FOXP2: variants seen among roughly 807,000 people sequenced by gnomAD.
FOXP2 encodes forkhead box protein P2.
In FOXP2, 12 loss-of-function variants were observed where a neutral mutation model predicts 115.8. That is an observed-to-expected ratio of 0.10 (90% CI 0.07 to 0.17). FOXP2 has a LOEUF of 0.17. Ranked by LOEUF, FOXP2 falls within the 10% of genes least tolerant of loss-of-function variation. The pLI, the probability that FOXP2 is intolerant of heterozygous loss-of-function variation, is 1.00. For missense variants in FOXP2, 629 were observed against 843.5 expected, an observed-to-expected ratio of 0.75 and a Z score of 3.15; for synonymous variants, 328 against 297.7, an observed-to-expected ratio of 1.10 and a Z score of -1.05.
intron 2 of FOXP2, among the ~76,000 whole-genome samples, chr7:114,386,020 A>T (rs140530990): frequency 6.6e-6 from 1 of 152,222 alleles, no homozygotes. Flanking sequence ...ATTAGGACGA[A>T]CCCAGGCACT....
At chr7:114,416,060 C>T (rs570600052) in intron 1 of FOXP2, among the ~76,000 whole-genome samples, 3 of 151,996 alleles carry the variant, frequency 2.0e-5, no homozygotes, top group South Asian at 2.1e-4. Flanking sequence ...GTTTAATACT[C>T]GTGTCAGTTA....
At chr7:114,278,478 C>A in intron 1 of FOXP2, among the ~76,000 whole-genome samples, 1 of 151,918 alleles carries the variant, frequency 6.6e-6, no homozygotes, top group African/African-American at 2.4e-5. Flanking sequence ...TCTCAGTCTC[C>A]CGAGTAGCTG....
intron 1 of FOXP2, among the ~76,000 whole-genome samples, chr7:114,271,065 A>C (rs1337875623): frequency 6.6e-6 from 1 of 151,878 alleles, no homozygotes; most frequent in Non-Finnish European, 1.5e-5. Context: ...TATCAAAGTT[A>C]AATTGACATA....
At chr7:114,438,216 AT>A (rs1794438779) in intron 2 of FOXP2, among the ~76,000 whole-genome samples, 1 of 152,130 alleles carries the variant, frequency 6.6e-6, no homozygotes, top group African/African-American at 2.4e-5. Context: ...TTGGACCTAG[AT>A]TAGCTATCTT....
At chr7:114,441,315 G>A (rs1430573503) in intron 2 of FOXP2, among the ~76,000 whole-genome samples, 1 of 152,058 alleles carries the variant, frequency 6.6e-6, no homozygotes. Flanking sequence ...AGCTGGGCCT[G>A]GTGGTGCATG....
chr7:114,107,187 G>A (rs1421454697), intron 1 of FOXP2, among the ~76,000 whole-genome samples: 1 of 151,964 alleles, frequency 6.6e-6, no homozygotes, highest in Non-Finnish European at 1.5e-5. Flanking sequence ...AGTTGGCAAT[G>A]TTTAGGAATT....
chr7:114,595,278 G>A (rs759828800), intron 3 of FOXP2, among the ~76,000 whole-genome samples: 31 of 151,708 alleles, frequency 2.0e-4, no homozygotes, highest in Non-Finnish European at 3.7e-4. Context: ...ATAATTAACC[G>A]CTACATATCT....
chr7:114,604,949 T>G (rs1803232071), intron 3 of FOXP2, among the ~76,000 whole-genome samples: 1 of 152,170 alleles, frequency 6.6e-6, no homozygotes, highest in African/African-American at 2.4e-5. Flanking sequence ...TTCACATATC[T>G]TGATCTTTCT....
intron 1 of FOXP2, among the ~76,000 whole-genome samples, chr7:114,151,214 A>G (rs1792519842): frequency 6.6e-6 from 1 of 152,014 alleles, no homozygotes; most frequent in South Asian, 2.1e-4. Context: ...ATCATGAATG[A>G]GCAAATAGGC....
intron 3 of FOXP2, among the ~76,000 whole-genome samples, chr7:114,557,952 G>C (rs1345584744): frequency 1.3e-5 from 2 of 151,924 alleles, no homozygotes; most frequent in African/African-American, 4.8e-5. Flanking sequence ...GGGATTACAG[G>C]TGCCCACCAC....
At chr7:114,219,265 C>G (rs1794559673) in intron 1 of FOXP2, among the ~76,000 whole-genome samples, 1 of 151,804 alleles carries the variant, frequency 6.6e-6, no homozygotes, top group Non-Finnish European at 1.5e-5. Context: ...AATTTATTAT[C>G]CAATTGTAAG....
intron 1 of FOXP2, among the ~76,000 whole-genome samples, chr7:114,421,921 G>A (rs941726021): frequency 1.3e-5 from 2 of 151,716 alleles, no homozygotes; most frequent in Admixed American, 1.3e-4. Context: ...TCTTTCAGAA[G>A]TTTTAAATCA....
chr7:114,102,946 A>G lies in FOXP2; in HGVS notation c.-247+15108A>G, dbSNP rs187120521. On this transcript the variant is annotated intron_variant, in intron 1 of 19. Transcript: ENST00000635638. ...TCTCAGAGATAAGAAATTATCAGTAAGTAAATAAGTTGTTCAGTGCTTGAC... is the reference window on the plus strand; with the variant it reads ...TCTCAGAGATAAGAAATTATCAGTAGGTAAATAAGTTGTTCAGTGCTTGAC... 1.8e-4 allele frequency among the ~76,000 whole-genome samples: 27 copies of G among 152,244 alleles called. No individual in the cohort carries two copies. In the East Asian group the frequency reaches 5.2e-3, roughly 29 times the overall value.
intron 1 of FOXP2, among the ~76,000 whole-genome samples, chr7:114,228,394 G>A (rs1204813789): frequency 1.3e-5 from 2 of 151,950 alleles, no homozygotes; most frequent in Non-Finnish European, 2.9e-5. Flanking sequence ...AGTTTCAAGA[G>A]CTGAAAGAAG....
intron 3 of FOXP2, among the ~76,000 whole-genome samples, chr7:114,571,928 G>C (rs1012614214): frequency 6.6e-6 from 1 of 151,660 alleles, no homozygotes; most frequent in African/African-American, 2.4e-5. Flanking sequence ...CAATGGGCTA[G>C]AGTATTTCTA....
intron 16 of FOXP2, among the ~76,000 whole-genome samples, chr7:114,689,333 T>C (rs1393746557): frequency 6.6e-6 from 1 of 152,056 alleles, no homozygotes; most frequent in Non-Finnish European, 1.5e-5. Flanking sequence ...TAAAAAAAAA[T>C]AGAAATAAAA....
At chr7:114,314,124 T>C (rs1797215555) in intron 2 of FOXP2, among the ~76,000 whole-genome samples, 1 of 151,938 alleles carries the variant, frequency 6.6e-6, no homozygotes, top group Non-Finnish European at 1.5e-5. Flanking sequence ...TATGTACGTG[T>C]ATTTGAGTTC....
chr7:114,690,860 T>A lies in FOXP2; in HGVS notation c.*934T>A, dbSNP rs1293490099. ...AAAGGAACCTTTTCCATGAACTACC[T>A]GCTGTTTTCTGATGACCTCTGGGAT... On this transcript the variant is annotated 3_prime_UTR_variant, in exon 17 of 17. Coordinates refer to ENST00000350908, the MANE Select transcript of FOXP2 (RefSeq NM_014491.4). 1 of 454,506 alleles carries A rather than the reference T, an allele frequency of 2.2e-6. No individual in the cohort carries two copies. Among genetic ancestry groups the A allele is most frequent in the African/African-American group, 2.0e-5 (1 of 50,116 alleles). 28.2% of individuals were successfully genotyped at this position (454,506 alleles called of 1,614,324 possible).
At chr7:114,344,266 C>T (rs545256667) in intron 2 of FOXP2, among the ~76,000 whole-genome samples, 5 of 151,756 alleles carry the variant, frequency 3.3e-5, no homozygotes, top group Admixed American at 6.6e-5. Flanking sequence ...ATGACAATGA[C>T]GGGGGAAGTG....
Sources: allele counts gnomAD v4.1 joint callset (sites outside exome capture counted in the v4.1 genomes callset), GRCh38; gene constraint gnomAD v4.1.1; transcripts MANE v1.5; gene names NCBI Gene and HGNC (gene_info 2026-07-23, HGNC 2026-07-21).